Variants in STK3 observed in about 807,000 individuals in gnomAD.
STK3 encodes the protein serine/threonine kinase 3.
Under a neutral mutation model 58.0 loss-of-function variants are expected in STK3, and 41 were observed. The observed-to-expected ratio is 0.71, with a 90% CI of 0.55 to 0.92. STK3 has a LOEUF of 0.92. Ranked by LOEUF, STK3 falls within the 40% of genes least tolerant of loss-of-function variation. The probability of loss-of-function intolerance (pLI) is 0.00; values close to 1 mark genes in which losing one functional copy is unlikely to be tolerated. For missense variants in STK3, 479 were observed against 602.7 expected (o/e 0.79, Z 2.15); for synonymous variants, 170 against 191.0 (o/e 0.89, Z 0.91).
intron 3 of STK3, among the ~76,000 whole-genome samples, chr8:98,423,471 TA>T (rs1352174045): frequency 6.6e-6 from 1 of 152,188 alleles, no homozygotes; most frequent in African/African-American, 2.4e-5. Context: ...GAGTGTATCA[TA>T]GGGGGTCTTG....
intron 1 of STK3, among the ~76,000 whole-genome samples, chr8:98,815,165 T>C (rs894063035): frequency 6.6e-6 from 1 of 152,212 alleles, no homozygotes; most frequent in African/African-American, 2.4e-5. Flanking sequence ...AAGATAAAAG[T>C]CTGCTCTGAA....
intron 10 of STK3, among the ~76,000 whole-genome samples, chr8:98,503,892 G>A (rs912258698): frequency 1.3e-5 from 2 of 152,206 alleles, no homozygotes; most frequent in Admixed American, 1.3e-4. Context: ...ATTTGGGATG[G>A]AGAGTTCTGT....
Position 98,800,546 on chromosome 8 carries a change from A to T in STK3, c.26+24969T>A, listed in dbSNP as rs1448665674. On this transcript the variant is annotated intron_variant, in intron 1 of 10. Coordinates refer to ENST00000419617, the MANE Select transcript of STK3 (RefSeq NM_006281.4). This position sits in a 1 kb window ranked among gnomAD's most constrained non-coding sequence, Gnocchi z 4.8. ...GTGGGAGCCCCTCTCTGGGCTGGCC[A>T]AGGCCGGAGCCGGCTCCCTCTGCTT... is the stretch of plus-strand genomic sequence containing the variant. 2.6e-5 allele frequency among the ~76,000 whole-genome samples: 4 copies of T among 152,236 alleles called. No individual in the cohort carries two copies. Among genetic ancestry groups the T allele is most frequent in the Non-Finnish European group, 5.9e-5 (4 of 68,034 alleles).
intron 3 of STK3, among the ~76,000 whole-genome samples, chr8:98,835,582 A>T (rs1835717049): frequency 6.6e-6 from 1 of 150,902 alleles, no homozygotes; most frequent in African/African-American, 2.4e-5. Flanking sequence ...ACCACACCCC[A>T]CTCCTCCCTC....
intron 3 of STK3, among the ~76,000 whole-genome samples, chr8:98,878,503 G>T (rs1353645743): frequency 6.6e-6 from 1 of 151,872 alleles, no homozygotes; most frequent in Non-Finnish European, 1.5e-5. Flanking sequence ...GACAAATTCC[G>T]ATTACCAGCT....
intron 1 of STK3, among the ~76,000 whole-genome samples, chr8:98,814,110 G>A (rs563962124): frequency 3.9e-5 from 6 of 152,228 alleles, no homozygotes; most frequent in African/African-American, 1.4e-4. Context: ...GAGTGCAGTG[G>A]CATGATCTCA....
rs181465196 is a variant in STK3 at position 98,730,830 on chromosome 8, C to T, written c.351+18446G>A. 2.2e-4 allele frequency among the ~76,000 whole-genome samples: 33 copies of T among 151,824 alleles called. 1 individual carries two copies. The highest frequency in any genetic ancestry group is 7.0e-4 in the African/African-American group (29 of 41,380). On this transcript the variant is annotated intron_variant, in intron 4 of 10. Coordinates refer to ENST00000419617, the MANE Select transcript of STK3 (RefSeq NM_006281.4). ...ATACTACTCCCAGAGTTTGGCTTCA[C>T]GAAAGAGCTACAAAGTGTGAAGACT...
intron 6 of STK3, among the ~76,000 whole-genome samples, chr8:98,614,997 G>C (rs184793116): frequency 5.3e-5 from 8 of 152,316 alleles, no homozygotes; most frequent in Admixed American, 1.3e-4. Context: ...TAAGCTCCAC[G>C]TCTAGGGGCA....
At chr8:98,610,728 G>A (rs1402853208) in intron 6 of STK3, among the ~76,000 whole-genome samples, 1 of 152,150 alleles carries the variant, frequency 6.6e-6, no homozygotes, top group Non-Finnish European at 1.5e-5. Flanking sequence ...GGAAAACTAT[G>A]GGCTCTAGCA....
chr8:98,739,458 C>G (rs1828978003), intron 4 of STK3, among the ~76,000 whole-genome samples: 1 of 150,560 alleles, frequency 6.6e-6, no homozygotes, highest in South Asian at 2.1e-4. Flanking sequence ...GTTCTGCAGC[C>G]ACCGCTGCTG....
chr8:98,789,232 C>G (rs1832655050), intron 1 of STK3, among the ~76,000 whole-genome samples: 1 of 152,028 alleles, frequency 6.6e-6, no homozygotes, highest in Non-Finnish European at 1.5e-5. Flanking sequence ...GTGACCCAAC[C>G]TATCAAAACC....
intron 1 of STK3, among the ~76,000 whole-genome samples, chr8:98,937,576 C>T (rs760229650): frequency 1.4e-4 from 21 of 152,240 alleles, no homozygotes; most frequent in Non-Finnish European, 1.8e-4. Flanking sequence ...GTCCTCACTT[C>T]TACCCCCAAG....
the STK3 span, among the ~76,000 whole-genome samples, chr8:98,356,698 G>A: frequency 3.9e-5 from 6 of 152,198 alleles, no homozygotes; most frequent in African/African-American, 1.4e-4. Flanking sequence ...TCAAGAACTG[G>A]TGTTTAGACC....
chr8:98,705,845 C>A (rs946710910), intron 6 of STK3, among the ~76,000 whole-genome samples: 2 of 151,990 alleles, frequency 1.3e-5, no homozygotes, highest in African/African-American at 4.8e-5. Flanking sequence ...GAAACACAGG[C>A]AATTAGACTT....
intron 10 of STK3, among the ~76,000 whole-genome samples, chr8:98,506,143 G>A (rs1213076695): frequency 1.3e-5 from 2 of 152,228 alleles, no homozygotes; most frequent in East Asian, 3.9e-4. Context: ...TGCCTTGCAG[G>A]TTGATCTCAG....
chr8:98,529,114 CAACT>C (rs1825956878), intron 9 of STK3, among the ~76,000 whole-genome samples: 1 of 152,180 alleles, frequency 6.6e-6, no homozygotes, highest in Admixed American at 6.5e-5. Flanking sequence ...ACTACTATGA[CAACT>C]AAGTAACAAT....
intron 6 of STK3, among the ~76,000 whole-genome samples, chr8:98,599,233 T>C (rs1478672911): frequency 6.6e-6 from 1 of 152,232 alleles, no homozygotes; most frequent in Non-Finnish European, 1.5e-5. Context: ...AATATAGCTG[T>C]TTCCTGATAG....
chr8:98,940,614 T>A (rs1587878466), intron 1 of STK3, among the ~76,000 whole-genome samples: 1 of 152,094 alleles, frequency 6.6e-6, no homozygotes, highest in East Asian at 1.9e-4. Flanking sequence ...CCCCGCGCCA[T>A]CCGTGGGAGT....
chr8:98,513,768 C>CGTCA (rs1824709829), intron 10 of STK3, among the ~76,000 whole-genome samples: 1 of 152,182 alleles, frequency 6.6e-6, no homozygotes, highest in Admixed American at 6.5e-5. Context: ...ACACCACTGA[C>CGTCA]TCCCATGGCT....
Sources: allele counts gnomAD v4.1 joint callset (sites outside exome capture counted in the v4.1 genomes callset), GRCh38; gene constraint gnomAD v4.1.1; non-coding constraint Gnocchi (gnomAD v3.1); transcripts MANE v1.5; gene names NCBI Gene and HGNC (gene_info 2026-07-23, HGNC 2026-07-21).